Variants in CNIH3 observed in about 807,000 individuals in gnomAD.
CNIH3 encodes the protein protein cornichon homolog 3.
A neutral mutation model predicts 24.1 loss-of-function variants in CNIH3; 14 were observed. The observed-to-expected ratio is 0.58, with a 90% CI of 0.38 to 0.91. The LOEUF is 0.91. Ranked by LOEUF, CNIH3 falls within the 40% of genes least tolerant of loss-of-function variation. The probability of loss-of-function intolerance (pLI) is 0.00; values close to 1 mark genes in which losing one functional copy is unlikely to be tolerated. For synonymous variants in CNIH3, 68 were observed against 73.8 expected, an observed-to-expected ratio of 0.92 and a Z score of 0.40; for missense variants, 178 against 196.8, an observed-to-expected ratio of 0.90 and a Z score of 0.57.
intron 1 of CNIH3, among the ~76,000 whole-genome samples, chr1:224,490,439 C>T (rs972628482): frequency 2.6e-5 from 4 of 152,118 alleles, no homozygotes; most frequent in African/African-American, 7.2e-5. Flanking sequence ...CCCTCTGCTC[C>T]CCCATGGGAT....
In CNIH3 at chr1:224,488,472, G is replaced by GGT. The variant is rs1553257572; in HGVS notation, n.204-27269_204-27268insGT. On this transcript the variant is annotated intron_variant and non_coding_transcript_variant, in intron 1 of 5. Coordinates refer to the CNIH3 transcript ENST00000471578. ...CCATTCAGTAATTTTTTTTTGGGGG[G>GGT]TGGGGGGGAACAGAGTCTTGCTTTG... 2.5e-3 allele frequency among the ~76,000 whole-genome samples: 333 copies of GGT among 132,860 alleles called. 5 individuals carry two copies. Among genetic ancestry groups the GGT allele is most frequent in the African/African-American group, 7.7e-3 (284 of 36,650 alleles). 87.2% of individuals were successfully genotyped at this position (132,860 alleles called of 152,430 possible).
intron 1 of CNIH3, among the ~76,000 whole-genome samples, chr1:224,449,640 A>G (rs9970442): frequency 0.97 from 148,049 of 152,180 alleles, 72,124 homozygotes; most frequent in East Asian, 1. Flanking sequence ...CTACAGGCAC[A>G]CACCACCACC....
intron 3 of CNIH3, among the ~76,000 whole-genome samples, chr1:224,551,835 A>T (rs1007667373): frequency 1.3e-5 from 2 of 150,854 alleles, no homozygotes; most frequent in Non-Finnish European, 3.0e-5. Context: ...CAGGGATTAC[A>T]CAGGGGGTGT....
chr1:224,454,523 C>T (rs6698200), intron 1 of CNIH3, among the ~76,000 whole-genome samples: 2,906 of 152,206 alleles, frequency 0.019, 26 homozygotes, highest in Non-Finnish European at 0.03. Context: ...TCTGTAGTTT[C>T]GACAGGCACA....
At chr1:224,724,569 T>C (rs927938322) in intron 3 of CNIH3, among the ~76,000 whole-genome samples, 1 of 152,234 alleles carries the variant, frequency 6.6e-6, no homozygotes, top group African/African-American at 2.4e-5. Context: ...AGGGCCAGTT[T>C]AGTATGGGCT....
chr1:224,563,325 G>A (rs1021959103), intron 3 of CNIH3, among the ~76,000 whole-genome samples: 12 of 152,126 alleles, frequency 7.9e-5, no homozygotes, highest in African/African-American at 2.9e-4. Flanking sequence ...TTTTTGGGGG[G>A]TTATGGATAA....
rs1347975960 is a variant in CNIH3, at chr1:224,704,329, AG to A, written c.198+19490del. Among the ~76,000 whole-genome samples, 1 of 152,188 alleles carries A rather than the reference AG, an allele frequency of 6.6e-6. No homozygotes were observed. Among genetic ancestry groups the A allele is most frequent in the Non-Finnish European group, 1.5e-5 (1 of 68,016 alleles). ...GGTCCTAACAGCTCTGAAAGCCAGC[AG>A]GGGCTCTCTGCAAAAGCTAAAGTCA... is the stretch of plus-strand genomic sequence containing the variant. On this transcript the variant is annotated intron_variant, in intron 3 of 5. Coordinates refer to ENST00000272133, the MANE Select transcript of CNIH3 (RefSeq NM_152495.2). This position sits in a 1 kb window ranked among gnomAD's most constrained non-coding sequence, Gnocchi z 4.2.
intron 3 of CNIH3, chr1:224,547,031 C>A: frequency 6.2e-6 from 2 of 321,604 alleles, no homozygotes; most frequent in Non-Finnish European, 8.9e-6. Flanking sequence ...ACCTAATGGG[C>A]CCACCTGTGT....
intron 2 of CNIH3, among the ~76,000 whole-genome samples, chr1:224,542,689 A>T (rs1270722599): frequency 6.6e-6 from 1 of 152,192 alleles, no homozygotes; most frequent in Non-Finnish European, 1.5e-5. Flanking sequence ...GGACCAAGAG[A>T]GATTAGGCAG....
chr1:224,506,211 T>A (rs1282153827), intron 1 of CNIH3, among the ~76,000 whole-genome samples: 28 of 152,188 alleles, frequency 1.8e-4, no homozygotes, highest in Non-Finnish European at 2.9e-5. Flanking sequence ...TGAAGTGCTG[T>A]TGGTGTGTCA....
intron 1 of CNIH3, chr1:224,520,904 T>A (rs1678599656): frequency 1.3e-5 from 2 of 152,262 alleles, no homozygotes; most frequent in African/African-American, 4.8e-5. Flanking sequence ...TGAACAAGCA[T>A]CCTGGAGGTG....
At chr1:224,618,279 T>C (rs1683123590) in intron 1 of CNIH3, among the ~76,000 whole-genome samples, 1 of 152,190 alleles carries the variant, frequency 6.6e-6, no homozygotes, top group Non-Finnish European at 1.5e-5. Context: ...AGGCCAAATG[T>C]TTAGAAGGAG....
At chr1:224,572,000 A>G (rs1680838206) in intron 4 of CNIH3, among the ~76,000 whole-genome samples, 1 of 152,056 alleles carries the variant, frequency 6.6e-6, no homozygotes, top group Non-Finnish European at 1.5e-5. Flanking sequence ...ACAATGTAAG[A>G]CGTGGGGGTT....
At chr1:224,574,370 T>G (rs1680945556) in intron 4 of CNIH3, 2 of 421,714 alleles carry the variant, frequency 4.7e-6, no homozygotes, top group Non-Finnish European at 8.4e-6. Flanking sequence ...TTAATATTAT[T>G]AAGTTGCTTA....
downstream of CNIH3, chr1:224,537,142 A>C (rs374887197): frequency 7.2e-5 from 11 of 152,348 alleles, no homozygotes; most frequent in East Asian, 3.9e-4. Flanking sequence ...ACATATCTCC[A>C]TCACAATTTG....
At chr1:224,683,343 T>C (rs577427348) in intron 2 of CNIH3, among the ~76,000 whole-genome samples, 1 of 152,316 alleles carries the variant, frequency 6.6e-6, no homozygotes, top group Admixed American at 6.5e-5. Context: ...ATAAAAACCC[T>C]AAATGGAAGA....
chr1:224,652,575 T>A (rs1399273326), intron 1 of CNIH3, among the ~76,000 whole-genome samples: 1 of 152,048 alleles, frequency 6.6e-6, no homozygotes, highest in East Asian at 1.9e-4. Flanking sequence ...AGGCAAGAGC[T>A]AAGTGGAGCG....
chr1:224,446,212 G>GTTTTTTTTTTTT (rs35812016), intron 1 of CNIH3, among the ~76,000 whole-genome samples: 2 of 108,876 alleles, frequency 1.8e-5, no homozygotes, highest in Non-Finnish European at 3.8e-5. Flanking sequence ...TTTCAACTTT[G>GTTTTTTTTTTTT]TTTTTTTTTT....
intron 3 of CNIH3, among the ~76,000 whole-genome samples, chr1:224,721,981 G>C (rs1000283620): frequency 6.6e-6 from 1 of 152,166 alleles, no homozygotes; most frequent in Non-Finnish European, 1.5e-5. Flanking sequence ...GTGGTGTGTG[G>C]GAAAGCCAGG....
Sources: gnomAD v4.1 joint callset for allele counts (sites outside exome capture counted in the v4.1 genomes callset) on GRCh38, gnomAD v4.1.1 for gene constraint, Gnocchi (gnomAD v3.1) non-coding constraint, MANE v1.5 for transcripts, NCBI Gene and HGNC (gene_info 2026-07-23, HGNC 2026-07-21) for gene names.